The following RGSL1 variants were observed in gnomAD, a reference collection of about 807,000 sequenced individuals.
The protein encoded by RGSL1 is regulator of G protein signaling like 1, also known as regulator of G protein signaling protein-like.
Under a neutral mutation model 124.7 loss-of-function variants are expected in RGSL1, and 97 were observed. That is an observed-to-expected ratio of 0.78 (90% confidence interval 0.66 to 0.92). RGSL1 has a LOEUF of 0.92. Ranked by LOEUF, RGSL1 falls within the 40% of genes least tolerant of loss-of-function variation. RGSL1 has a pLI of 0.00. For missense variants in RGSL1, 1,233 were observed against 1,288.4 expected, an observed-to-expected ratio of 0.96 and a Z score of 0.66; for synonymous variants, 424 against 438.1, an observed-to-expected ratio of 0.97 and a Z score of 0.40.
chr1:182,542,251 A>G (rs187018915), intron 15 of RGSL1, among the ~76,000 whole-genome samples: 38 of 152,236 alleles, frequency 2.5e-4, no homozygotes, highest in African/African-American at 8.4e-4. Context: ...ATGGTGAGAG[A>G]TAGGTGTCTG....
intron 15 of RGSL1, among the ~76,000 whole-genome samples, chr1:182,543,683 C>T (rs964568260): frequency 9.9e-5 from 15 of 151,884 alleles, no homozygotes; most frequent in African/African-American, 2.7e-4. Flanking sequence ...TTTTCTTTGA[C>T]GGGAAACTTA....
chr1:182,476,739 G>A (rs1654315574), intron 6 of RGSL1, among the ~76,000 whole-genome samples: 2 of 152,120 alleles, frequency 1.3e-5, no homozygotes, highest in South Asian at 2.1e-4. Context: ...ATCTAGCAAG[G>A]CCCTACATGA....
intron 10 of RGSL1, among the ~76,000 whole-genome samples, chr1:182,527,291 A>T (rs967986143): frequency 3.3e-5 from 5 of 152,190 alleles, no homozygotes; most frequent in African/African-American, 4.8e-5. Context: ...TTTTGAACCC[A>T]TAATGTAAAA....
At chr1:182,504,170 G>A (rs1044978349) in intron 9 of RGSL1, among the ~76,000 whole-genome samples, 1 of 151,682 alleles carries the variant, frequency 6.6e-6, no homozygotes, top group Non-Finnish European at 1.5e-5. Flanking sequence ...TAGTAGAGAC[G>A]GGGTTTCACC....
intron 4 of RGSL1, chr1:182,471,195 A>AATGG: frequency 2.2e-6 from 1 of 446,734 alleles, no homozygotes; most frequent in South Asian, 1.6e-5. Flanking sequence ...ACATTAAACA[A>AATGG]ATGGGGGTCT....
At chr1:182,458,532 C>T (rs913026026) in intron 3 of RGSL1, 139 bp downstream of exon 3, 6 of 689,692 alleles carry the variant, frequency 8.7e-6, no homozygotes, top group East Asian at 2.8e-5. Flanking sequence ...TGCGGTGATG[C>T]GATCTTAGCT....
chr1:182,474,578 C>A (rs1182617566), intron 6 of RGSL1, 36 bp downstream of exon 6: 34 of 1,497,172 alleles, frequency 2.3e-5, no homozygotes, highest in Non-Finnish European at 2.9e-5. Flanking sequence ...TTATATCTGG[C>A]AAATTAGGTC....
chr1:182,511,163 C>T (rs2102197890), intron 9 of RGSL1, among the ~76,000 whole-genome samples: 1 of 152,096 alleles, frequency 6.6e-6, no homozygotes, highest in East Asian at 1.9e-4. Flanking sequence ...AGTTATCCAG[C>T]TTGCTTTCTT....
intron 6 of RGSL1, among the ~76,000 whole-genome samples, chr1:182,480,526 G>A (rs1283775002): frequency 6.6e-6 from 1 of 151,566 alleles, no homozygotes; most frequent in African/African-American, 2.4e-5. Flanking sequence ...CGCAATCTTG[G>A]CTCACTGCAA....
At chr1:182,466,529 C>G (rs1019676853) in intron 4 of RGSL1, among the ~76,000 whole-genome samples, 1 of 152,020 alleles carries the variant, frequency 6.6e-6, no homozygotes, top group Non-Finnish European at 1.5e-5. Context: ...CACTTCCATA[C>G]GCTTACAATG....
In RGSL1 at chr1:182,474,294, G is replaced by C; in HGVS notation, c.1183G>C (p.Val395Leu). 1 of 1,551,808 alleles carries C rather than the reference G, an allele frequency of 6.4e-7. No homozygotes were observed. The highest frequency in any genetic ancestry group is 8.7e-7 in the Non-Finnish European group (1 of 1,147,008). ...RDHLKKLNLKVEIQLLDLWQD... is the reference protein window; with the variant it reads ...RDHLKKLNLKLEIQLLDLWQD... ...CCACCTGAAGAAGCTGAATTTGAAA[G>C]TGGAGATCCAACTTCTTGACCTCTG... The change falls in exon 6 of 22, where the codon GTG (valine) becomes CTG (leucine). Residue 395 changes from valine (V) to leucine (L), a missense_variant. Coordinates refer to ENST00000294854, the MANE Select transcript of RGSL1 (RefSeq NM_001137669.2).
intron 20 of RGSL1, 26 bp downstream of exon 20, chr1:182,554,719 C>A: frequency 6.5e-7 from 1 of 1,550,138 alleles, no homozygotes; most frequent in Non-Finnish European, 8.7e-7. Context: ...AAATCCTCTT[C>A]TTCAGTCCAG....
rs116831801 is a variant in RGSL1 at position 182,521,630 on chromosome 1, A to C, written c.1826-374A>C. Among the ~76,000 whole-genome samples the C allele has an allele frequency of 9.4e-3, 1,429 of 152,386 alleles. 27 individuals carry two copies. The highest frequency in any genetic ancestry group is 0.033 in the African/African-American group (1,353 of 41,594). ...GGGGACAAGTGGAAAGATTTAGGAT[A>C]GGACAATAGCAGTGTCAAGGAAGAC... is the stretch of plus-strand genomic sequence containing the variant. On this transcript the variant is annotated intron_variant, in intron 9 of 21. Coordinates refer to ENST00000294854, the MANE Select transcript of RGSL1 (RefSeq NM_001137669.2).
chr1:182,490,851 C>T (rs1037821333), intron 8 of RGSL1, among the ~76,000 whole-genome samples: 1 of 151,820 alleles, frequency 6.6e-6, no homozygotes, highest in East Asian at 1.9e-4. Flanking sequence ...AGCCTTGAAT[C>T]TCAGGTAGGT....
At chr1:182,509,650 G>A (rs1436937919) in intron 9 of RGSL1, among the ~76,000 whole-genome samples, 16 of 126,048 alleles carry the variant, frequency 1.3e-4, no homozygotes, top group South Asian at 5.2e-4. Context: ...CGGACGGGGC[G>A]GCTGGCCGGG....
At chr1:182,468,610 C>A (rs1653548557) in intron 4 of RGSL1, among the ~76,000 whole-genome samples, 1 of 151,846 alleles carries the variant, frequency 6.6e-6, no homozygotes, top group Non-Finnish European at 1.5e-5. Flanking sequence ...CACCCTGGGG[C>A]CTGTTGTAGG....
At chr1:182,531,021 T>C (rs1558394121) in intron 13 of RGSL1, 111 bp downstream of exon 13, 3 of 1,261,456 alleles carry the variant, frequency 2.4e-6, no homozygotes, top group Non-Finnish European at 3.2e-6. Flanking sequence ...CTCAGATAAA[T>C]TACTATACTA....
intron 1 of RGSL1, among the ~76,000 whole-genome samples, 198 bp from the exon 2 acceptor site, chr1:182,453,760 G>C (rs754824408): frequency 5.3e-5 from 8 of 152,192 alleles, no homozygotes; most frequent in Non-Finnish European, 7.3e-5. Context: ...GCTCCCCACA[G>C]CTGGGAGTGT....
At position 182,460,103 on chromosome 1, in the gene RGSL1, T is replaced by C; in HGVS notation, c.271T>C (p.Phe91Leu). The change falls in exon 4 of 22, where the codon TTC becomes CTC. Residue 91 changes from phenylalanine (F) to leucine (L), a missense_variant. Transcript: ENST00000294854. ...LCFHYILCQE[F>L]ISFIKSPEGG... ...TTTCCATTACATTCTCTGTCAGGAGTTCATCAGTTTCATTAAGTCCCCAGA... is the reference window on the plus strand; with the variant it reads ...TTTCCATTACATTCTCTGTCAGGAGCTCATCAGTTTCATTAAGTCCCCAGA... The C allele has an allele frequency of 6.4e-7, 1 of 1,551,448 alleles. No individual in the cohort carries two copies. Among genetic ancestry groups the C allele is most frequent in the African/African-American group, 1.4e-5 (1 of 73,116 alleles).
Sources: gnomAD v4.1 joint callset for allele counts (sites outside exome capture counted in the v4.1 genomes callset) on GRCh38, gnomAD v4.1.1 for gene constraint, MANE v1.5 for transcripts, NCBI Gene and HGNC (gene_info 2026-07-23, HGNC 2026-07-21) for gene names.